FBXL17: variants seen among roughly 807,000 people sequenced by gnomAD.
The protein encoded by FBXL17 is F-box and leucine rich repeat protein 17.
In FBXL17, 22 loss-of-function variants were observed where a neutral mutation model predicts 66.2. That is an observed-to-expected ratio of 0.33 (90% CI 0.24 to 0.47). The LOEUF (loss-of-function observed/expected upper bound fraction) is 0.47, where lower values mean the gene tolerates loss of function less well. FBXL17 is among the 20% of genes least tolerant of loss of function. The pLI, the probability that FBXL17 is intolerant of heterozygous loss-of-function variation, is 1.00. For missense variants in FBXL17, 878 were observed against 948.2 expected, an observed-to-expected ratio of 0.93 and a Z score of 0.97; for synonymous variants, 474 against 400.5, an observed-to-expected ratio of 1.18 and a Z score of -2.19.
chr5:108,203,056 T>C (rs529461579), intron 5 of FBXL17, among the ~76,000 whole-genome samples: 15 of 152,286 alleles, frequency 9.8e-5, no homozygotes, highest in Admixed American at 2.0e-4. Context: ...AAAAAGGTCA[T>C]AAAGTTTTTA....
chr5:108,107,817 AAAAAAAG>A (rs1055825761), intron 6 of FBXL17, among the ~76,000 whole-genome samples: 3 of 151,136 alleles, frequency 2.0e-5, no homozygotes, highest in Non-Finnish European at 4.4e-5. Flanking sequence ...GTCTCAAAAA[AAAAAAAG>A]AAAAGAAAAA....
At chr5:108,200,615 C>T (rs188417695) in intron 5 of FBXL17, among the ~76,000 whole-genome samples, 1 of 151,786 alleles carries the variant, frequency 6.6e-6, no homozygotes, top group East Asian at 1.9e-4. Flanking sequence ...TTCAAAAGGG[C>T]CTCTGATAAA....
At chr5:108,375,979 T>C (rs1174201982) in intron 1 of FBXL17, among the ~76,000 whole-genome samples, 2 of 152,096 alleles carry the variant, frequency 1.3e-5, no homozygotes, top group Non-Finnish European at 1.5e-5. Context: ...AAAAAACCCA[T>C]GTAACACACC....
chr5:108,254,237 A>T (rs1756480106), intron 4 of FBXL17, among the ~76,000 whole-genome samples: 2 of 152,222 alleles, frequency 1.3e-5, no homozygotes. Flanking sequence ...TGCTTCTAGA[A>T]AAGAAAGAAT....
intron 7 of FBXL17, among the ~76,000 whole-genome samples, chr5:107,898,307 T>C (rs1374163339): frequency 6.6e-6 from 1 of 152,010 alleles, no homozygotes; most frequent in African/African-American, 2.4e-5. Context: ...TTACACTGAG[T>C]GTAGCTGCCT....
chr5:108,119,556 T>C (rs1750393581), intron 6 of FBXL17, among the ~76,000 whole-genome samples: 1 of 152,182 alleles, frequency 6.6e-6, no homozygotes, highest in African/African-American at 2.4e-5. Flanking sequence ...TAAAACTCAA[T>C]GAAGAAAGTT....
intron 4 of FBXL17, among the ~76,000 whole-genome samples, chr5:108,224,779 G>A (rs1206163672): frequency 2.0e-5 from 3 of 150,300 alleles, no homozygotes; most frequent in Non-Finnish European, 2.9e-5. Flanking sequence ...TTTTTTTGTT[G>A]TTGTTGTTGT....
At chr5:108,331,409 T>C (rs2150237933) in intron 4 of FBXL17, among the ~76,000 whole-genome samples, 1 of 152,208 alleles carries the variant, frequency 6.6e-6, no homozygotes, top group East Asian at 1.9e-4. Context: ...ACGAGATAAA[T>C]ACTAAGCTAT....
chr5:107,949,123 G>A (rs1360652849), intron 7 of FBXL17, among the ~76,000 whole-genome samples: 1 of 151,140 alleles, frequency 6.6e-6, no homozygotes, highest in Non-Finnish European at 1.5e-5. Context: ...AGGATTTTAG[G>A]TGAATGGCAA....
chr5:108,381,997 C>G lies in FBXL17; in HGVS notation c.-306G>C. ...GGCTAGGCGACCAGTCCGGGCCCGG[C>G]CAGCCGGCTCAGTCAGTCAGCGGAG... On this transcript the variant is annotated 5_prime_UTR_variant, in exon 1 of 9. Coordinates refer to ENST00000542267, the MANE Select transcript of FBXL17 (RefSeq NM_001163315.3). 1 of 1,166,330 alleles carries G rather than the reference C, an allele frequency of 8.6e-7. No individual in the cohort carries two copies. The highest frequency in any genetic ancestry group is 1.1e-6 in the Non-Finnish European group (1 of 943,276). 72.2% of individuals were successfully genotyped at this position (1,166,330 alleles called of 1,614,324 possible).
chr5:107,873,395 T>C (rs899325931), intron 8 of FBXL17, among the ~76,000 whole-genome samples: 1 of 152,210 alleles, frequency 6.6e-6, no homozygotes, highest in African/African-American at 2.4e-5. Flanking sequence ...AGCCACTCAA[T>C]AGATATTTCT....
intron 4 of FBXL17, among the ~76,000 whole-genome samples, chr5:108,286,034 C>CA (rs776229606): frequency 2.7e-4 from 41 of 151,672 alleles, no homozygotes; most frequent in Non-Finnish European, 4.7e-4. Flanking sequence ...CAACTGAAAA[C>CA]AAAAAACACA....
At chr5:108,337,607 A>C (rs546966351) in intron 4 of FBXL17, among the ~76,000 whole-genome samples, 1 of 152,244 alleles carries the variant, frequency 6.6e-6, no homozygotes, top group South Asian at 2.1e-4. Context: ...GGTAATTCTC[A>C]AAGAGTATTT....
intron 4 of FBXL17, among the ~76,000 whole-genome samples, chr5:108,305,328 G>C (rs1324525136): frequency 6.6e-6 from 1 of 152,002 alleles, no homozygotes; most frequent in Non-Finnish European, 1.5e-5. Flanking sequence ...ACTGGAGGTG[G>C]GTGGTAGGGA....
chr5:107,917,315 G>A (rs1412631732), intron 7 of FBXL17, among the ~76,000 whole-genome samples: 3 of 152,124 alleles, frequency 2.0e-5, no homozygotes, highest in Admixed American at 2.0e-4. Flanking sequence ...TCCAGAGAAT[G>A]AGCATTCTAT....
chr5:108,039,556 A>G (rs1391843590), intron 6 of FBXL17, among the ~76,000 whole-genome samples: 2 of 152,114 alleles, frequency 1.3e-5, no homozygotes, highest in African/African-American at 4.8e-5. Flanking sequence ...AATGCCTAAA[A>G]TAAAATTACT....
intron 4 of FBXL17, among the ~76,000 whole-genome samples, chr5:108,319,393 C>G (rs1759515030): frequency 6.6e-6 from 1 of 151,662 alleles, no homozygotes; most frequent in Non-Finnish European, 1.5e-5. Context: ...TTGGTTGGGA[C>G]AAGTAACTAT....
intron 7 of FBXL17, among the ~76,000 whole-genome samples, chr5:107,959,368 C>T (rs954985926): frequency 4.0e-5 from 5 of 126,218 alleles, no homozygotes; most frequent in African/African-American, 1.3e-4. Context: ...ATTTAACATA[C>T]AGGGCTGCTA....
At chr5:108,331,052 CA>C (rs1033477810) in intron 4 of FBXL17, among the ~76,000 whole-genome samples, 1 of 149,972 alleles carries the variant, frequency 6.7e-6, no homozygotes, top group Non-Finnish European at 1.5e-5. Context: ...GACTCCATCT[CA>C]AAAAAAAATG....
Sources: gnomAD v4.1 joint callset for allele counts (sites outside exome capture counted in the v4.1 genomes callset) on GRCh38, gnomAD v4.1.1 for gene constraint, MANE v1.5 for transcripts, NCBI Gene and HGNC (gene_info 2026-07-23, HGNC 2026-07-21) for gene names.